Variants in CITED1 observed in about 807,000 individuals in gnomAD.
The protein encoded by CITED1 is Cbp/p300 interacting transactivator with ED-rich tail 1.
Under a neutral mutation model 8.5 loss-of-function variants are expected in CITED1, and 3 were observed. The observed-to-expected ratio is 0.35, with a 90% confidence interval of 0.16 to 0.91. CITED1 has a LOEUF of 0.91. Among genes scored for constraint, CITED1 ranks in the 40% least tolerant of loss-of-function variants. The pLI is 0.46. For synonymous variants in CITED1, 54 were observed against 67.4 expected (o/e 0.80, Z 0.97); for missense variants, 113 against 154.8 (o/e 0.73, Z 1.43).
intron 2 of CITED1, 22 bp downstream of exon 2, chrX:72,302,788 T>A: frequency 8.4e-7 from 1 of 1,190,941 alleles, no homozygotes; most frequent in Non-Finnish European, 1.1e-6. Flanking sequence ...CCCTGCCTCA[T>A]CTGTAAAATG....
At chrX:72,303,077 A>G (rs1052731602) in intron 1 of CITED1, 143 bp from the exon 2 acceptor site, 1 of 800,275 alleles carries the variant, frequency 1.2e-6, no homozygotes, top group African/African-American at 2.1e-5. Context: ...AGATCACCCG[A>G]GCACAGGGAG....
At chrX:72,305,157 C>T (rs2043324418) in intron 1 of CITED1, 1 of 526,673 alleles carries the variant, frequency 1.9e-6, no homozygotes. Context: ...CCGCTGCCCG[C>T]TCTTCGCTTC....
intron 1 of CITED1, among the ~76,000 whole-genome samples, chrX:72,304,917 G>A (rs1033660757): frequency 8.9e-6 from 1 of 112,437 alleles, no homozygotes; most frequent in African/African-American, 3.2e-5. Flanking sequence ...AGAAGCAATC[G>A]CATTTCCATC....
chrX:72,306,834 C>G (rs1025370086), upstream of CITED1: 1 of 109,435 alleles, frequency 9.1e-6, no homozygotes, highest in Non-Finnish European at 1.9e-5. Flanking sequence ...CATTGCCGCC[C>G]GGAGAGCCCT....
rs746272318 is a variant in CITED1, at chrX:72,305,578, T to C, written c.-66+247A>G. ...AGCGTCCGTTCCCGCAAGTGCTGTA[T>C]CAGGAACTGATCTTAGAGACAGGAT... On this transcript the variant is annotated intron_variant, in intron 1 of 2. Coordinates refer to ENST00000651998, the MANE Select transcript of CITED1 (RefSeq NM_001144887.2). 197 of 321,770 alleles carry C rather than the reference T, an allele frequency of 6.1e-4. 1 individual carries two copies. Among genetic ancestry groups the C allele is most frequent in the Non-Finnish European group, 9.9e-4 (182 of 183,915 alleles). The allele number at this position is 321,770 out of a possible 1,213,427, so 26.5% of individuals were successfully genotyped here. A position where few individuals can be genotyped will look rare whatever the true frequency, so the allele number is the denominator to read the frequency against.
intron 1 of CITED1, among the ~76,000 whole-genome samples, chrX:72,304,372 G>T (rs1207072228): frequency 9.0e-6 from 1 of 111,660 alleles, no homozygotes; most frequent in East Asian, 2.8e-4. Flanking sequence ...AAAAATATCA[G>T]CTGTTGGGTC....
intron 1 of CITED1, chrX:72,305,507 C>T: frequency 2.4e-6 from 1 of 420,647 alleles, no homozygotes; most frequent in South Asian, 3.4e-5. Context: ...CGGCCGGGAG[C>T]ATCCCTTGCA....
chrX:72,305,304 G>A (rs1184362252), intron 1 of CITED1: 3 of 1,166,819 alleles, frequency 2.6e-6, no homozygotes, highest in South Asian at 3.8e-5. Context: ...GCACCAACCG[G>A]ATGGTTCCAT....
chrX:72,305,961 G>A (rs2043335288), upstream of CITED1: 1 of 111,621 alleles, frequency 9.0e-6, no homozygotes, highest in Non-Finnish European at 1.9e-5. Context: ...GGGTGTGCGC[G>A]TGGGTGTGTG....
intron 1 of CITED1, chrX:72,304,068 A>G (rs1347024266): frequency 1.6e-5 from 9 of 577,331 alleles, no homozygotes; most frequent in Non-Finnish European, 1.9e-5. Context: ...AAAAAGCCCC[A>G]TATATTCTAG....
At chrX:72,304,480 T>C (rs1308416627) in intron 1 of CITED1, among the ~76,000 whole-genome samples, 3 of 111,322 alleles carry the variant, frequency 2.7e-5, no homozygotes, top group African/African-American at 9.8e-5. Context: ...GTCTAACACA[T>C]GTCGTCTTCA....
intron 1 of CITED1, chrX:72,305,420 A>G: frequency 1.5e-6 from 1 of 669,072 alleles, no homozygotes; most frequent in Non-Finnish European, 2.3e-6. Context: ...CGCCACCTGA[A>G]AACTAAAGGC....
chrX:72,306,285 C>CG (rs2043338583), upstream of CITED1, among the ~76,000 whole-genome samples: 1 of 109,673 alleles, frequency 9.1e-6, no homozygotes, highest in Non-Finnish European at 1.9e-5. Context: ...GGCGCGCTGG[C>CG]AAGCGAACCC....
Position 72,302,151 on chromosome X carries a change from A to G in CITED1, c.154T>C (p.Ser52Pro). 1 of 1,196,599 alleles carries G rather than the reference A, an allele frequency of 8.4e-7. No homozygotes were observed. The highest frequency in any genetic ancestry group is 1.1e-6 in the Non-Finnish European group (1 of 887,424). The change falls in exon 3 of 3, where the codon TCA becomes CCA. Residue 52 changes from serine to proline, a missense_variant. Coordinates refer to ENST00000651998, the MANE Select transcript of CITED1 (RefSeq NM_001144887.2). ...GCCCCACTGGCCTTGGTTCCATTTG[A>G]GGCTACCCCAGGGTAGTGCAGAATG... ...VAILHYPGVA[S>P]NGTKASGAPT...
upstream of CITED1, among the ~76,000 whole-genome samples, chrX:72,306,295 C>T (rs1167260436): frequency 1.8e-5 from 2 of 109,306 alleles, no homozygotes; most frequent in Admixed American, 1.9e-4. Context: ...CAAGCGAACC[C>T]GAGCGCTGGC....
chrX:72,307,072 A>AC (rs1858051676), upstream of CITED1: 1 of 109,204 alleles, frequency 9.2e-6, no homozygotes, highest in African/African-American at 3.4e-5. Context: ...CTTCCTCCTC[A>AC]CCGAGAACTG....
At chrX:72,306,654 GC>G (rs904742597), upstream of CITED1, 5 of 110,242 alleles carry the variant, frequency 4.5e-5, no homozygotes, top group African/African-American at 1.6e-4. Context: ...CCTGGGAAAA[GC>G]CCGCACCGCG....
chrX:72,304,085 T>C (rs2043313649), intron 1 of CITED1: 2 of 643,800 alleles, frequency 3.1e-6, no homozygotes, highest in Admixed American at 9.0e-5. Flanking sequence ...CTAGCTTTCA[T>C]GATCAATTAG....
chrX:72,303,803 T>C (rs746140834), intron 1 of CITED1, among the ~76,000 whole-genome samples: 11 of 112,028 alleles, frequency 9.8e-5, no homozygotes, highest in Non-Finnish European at 1.3e-4. Flanking sequence ...AGTGATTTCC[T>C]GGCTCAAGTG....
Sources: allele counts gnomAD v4.1 joint callset (sites outside exome capture counted in the v4.1 genomes callset), GRCh38; gene constraint gnomAD v4.1.1; transcripts MANE v1.5; gene names NCBI Gene and HGNC (gene_info 2026-07-23, HGNC 2026-07-21).